ROBO2: variants seen among roughly 807,000 people sequenced by gnomAD.
The protein encoded by ROBO2 is roundabout guidance receptor 2.
In ROBO2, 53 loss-of-function variants were observed where a neutral mutation model predicts 160.8. That is an observed-to-expected ratio of 0.33 (90% confidence interval 0.26 to 0.41). The LOEUF (loss-of-function observed/expected upper bound fraction) is 0.41, where lower values mean the gene tolerates loss of function less well. Among genes scored for constraint, ROBO2 ranks in the 10% least tolerant of loss-of-function variants. The pLI, the probability that ROBO2 is intolerant of heterozygous loss-of-function variation, is 1.00. For synonymous variants in ROBO2, 664 were observed against 611.7 expected (o/e 1.09, Z -1.26); for missense variants, 1,577 against 1,722.4 (o/e 0.92, Z 1.49).
In ROBO2 at chr3:76,036,530, G is replaced by A. The variant is rs1019010304; in HGVS notation, c.109+98928G>A. ...CCTTTTTTCTTTTTTTTGAAACAGAGTTTCACTCTTGTTGCCCAGGCTGGA... is the reference window on the plus strand; with the variant it reads ...CCTTTTTTCTTTTTTTTGAAACAGAATTTCACTCTTGTTGCCCAGGCTGGA... On this transcript the variant is annotated intron_variant, in intron 2 of 26. Coordinates refer to the ROBO2 transcript ENST00000487694. Among the ~76,000 whole-genome samples, 28 of 151,482 alleles carry A rather than the reference G, an allele frequency of 1.8e-4. 2 individuals are homozygous for A. The highest frequency in any genetic ancestry group is 6.6e-4 in the African/African-American group (27 of 41,166).
At chr3:76,064,896 A>G (rs1198150253) in intron 2 of ROBO2, among the ~76,000 whole-genome samples, 2 of 152,184 alleles carry the variant, frequency 1.3e-5, no homozygotes, top group African/African-American at 2.4e-5. Flanking sequence ...CCGTGCTGCC[A>G]TAAAAGAAAG....
At chr3:75,989,771 C>T (rs555589998) in intron 2 of ROBO2, among the ~76,000 whole-genome samples, 92 of 152,176 alleles carry the variant, frequency 6.0e-4, no homozygotes, top group Admixed American at 9.8e-4. Flanking sequence ...ATAAGAGGGG[C>T]TGCAGATAGA....
chr3:77,468,421 A>G (rs1275703941), intron 2 of ROBO2, among the ~76,000 whole-genome samples: 3 of 152,180 alleles, frequency 2.0e-5, no homozygotes, highest in Non-Finnish European at 4.4e-5. Context: ...AGGAGAACAT[A>G]TGCATTACAG....
At chr3:76,871,016 G>A (rs953193143) in intron 2 of ROBO2, among the ~76,000 whole-genome samples, 4 of 152,176 alleles carry the variant, frequency 2.6e-5, no homozygotes, top group African/African-American at 9.6e-5. Flanking sequence ...TAGAGACAAC[G>A]AACAACAATG....
intron 2 of ROBO2, among the ~76,000 whole-genome samples, chr3:76,132,448 T>C (rs2106686598): frequency 6.8e-6 from 1 of 148,076 alleles, no homozygotes; most frequent in Middle Eastern, 3.7e-3. Context: ...TCCAAATGGC[T>C]TAGGCACAGT....
At chr3:77,040,589 T>C in exon 1 of ROBO2, 1 of 1,437,356 alleles carries the variant, frequency 7.0e-7, no homozygotes, top group Non-Finnish European at 9.1e-7. Flanking sequence ...TCTGTTAATT[T>C]GGATGGATCT....
chr3:76,420,186 T>G (rs979757050), intron 2 of ROBO2, among the ~76,000 whole-genome samples: 2 of 152,174 alleles, frequency 1.3e-5, no homozygotes, highest in Non-Finnish European at 2.9e-5. Flanking sequence ...TTACACTATT[T>G]TCTATTTTTG....
chr3:76,107,977 T>A (rs1046339770), intron 2 of ROBO2, among the ~76,000 whole-genome samples: 2 of 152,128 alleles, frequency 1.3e-5, no homozygotes, highest in African/African-American at 4.8e-5. Context: ...CAGAAATGTA[T>A]AGGTAACCAC....
intron 2 of ROBO2, among the ~76,000 whole-genome samples, chr3:77,121,103 C>A (rs908047493): frequency 6.6e-6 from 1 of 151,950 alleles, no homozygotes; most frequent in Non-Finnish European, 1.5e-5. Flanking sequence ...TGCCACCATG[C>A]GAGGCTAATT....
chr3:77,341,914 G>T (rs1481283860), intron 2 of ROBO2, among the ~76,000 whole-genome samples: 1 of 151,940 alleles, frequency 6.6e-6, no homozygotes, highest in East Asian at 1.9e-4. Flanking sequence ...AGATGCATTT[G>T]TAGTTTGAGA....
At chr3:76,735,830 T>G (rs1347120266) in intron 2 of ROBO2, among the ~76,000 whole-genome samples, 5 of 150,646 alleles carry the variant, frequency 3.3e-5, no homozygotes, top group Non-Finnish European at 7.4e-5. Context: ...ATAGTACCTT[T>G]GAGTACTATG....
intron 2 of ROBO2, among the ~76,000 whole-genome samples, chr3:77,404,043 TA>T (rs759404884): frequency 6.6e-6 from 1 of 152,306 alleles, no homozygotes; most frequent in East Asian, 1.9e-4. Flanking sequence ...AGTTATTTTT[TA>T]TTATGAGGAA....
intron 2 of ROBO2, among the ~76,000 whole-genome samples, chr3:76,812,970 A>C (rs1277784368): frequency 6.9e-6 from 1 of 144,108 alleles, no homozygotes; most frequent in African/African-American, 2.6e-5. Flanking sequence ...TCAAAAAGAC[A>C]CTTGCTTAGG....
intron 2 of ROBO2, among the ~76,000 whole-genome samples, chr3:76,973,527 T>C (rs2059672024): frequency 6.6e-6 from 1 of 152,110 alleles, no homozygotes; most frequent in Non-Finnish European, 1.5e-5. Context: ...AATCAACCAC[T>C]ACTGTAATGG....
chr3:76,844,238 A>G (rs2068572493), intron 2 of ROBO2, among the ~76,000 whole-genome samples: 1 of 152,008 alleles, frequency 6.6e-6, no homozygotes, highest in Non-Finnish European at 1.5e-5. Context: ...GGTACAAATA[A>G]TAGAATACTC....
chr3:76,597,156 T>C (rs1232806677), intron 2 of ROBO2, among the ~76,000 whole-genome samples: 1 of 152,096 alleles, frequency 6.6e-6, no homozygotes, highest in Non-Finnish European at 1.5e-5. Context: ...ACCGTAAAAC[T>C]ATTAAATTTT....
chr3:77,355,095 C>G (rs1160039924), intron 2 of ROBO2, among the ~76,000 whole-genome samples: 1 of 151,006 alleles, frequency 6.6e-6, no homozygotes, highest in Non-Finnish European at 1.5e-5. Context: ...AGTTCTATCA[C>G]ATACCTTTAT....
intron 2 of ROBO2, among the ~76,000 whole-genome samples, chr3:76,373,086 A>T (rs542014363): frequency 7.3e-4 from 111 of 152,158 alleles, no homozygotes; most frequent in African/African-American, 2.6e-3. Context: ...ATTAAGAAAT[A>T]AGAGCATCTA....
chr3:77,143,726 T>A (rs1458372955), intron 2 of ROBO2, among the ~76,000 whole-genome samples: 2 of 152,144 alleles, frequency 1.3e-5, no homozygotes, highest in Non-Finnish European at 2.9e-5. Flanking sequence ...AAATCAGTAG[T>A]GCCTATTTTT....
Sources: gnomAD v4.1 joint callset for allele counts (sites outside exome capture counted in the v4.1 genomes callset) on GRCh38, gnomAD v4.1.1 for gene constraint, MANE v1.5 for transcripts, NCBI Gene and HGNC (gene_info 2026-07-23, HGNC 2026-07-21) for gene names.